The following MAP7D2 variants were observed in gnomAD, a reference collection of about 807,000 sequenced individuals.
MAP7D2 encodes the protein MAP7 domain-containing protein 2.
In MAP7D2, 33 loss-of-function variants were observed where a neutral mutation model predicts 63.5. The ratio of observed to expected loss-of-function variants is 0.52; its 90% CI spans 0.39 to 0.70. The LOEUF (loss-of-function observed/expected upper bound fraction) is 0.70, where lower values mean the gene tolerates loss of function less well. MAP7D2 is among the 30% of genes least tolerant of loss of function. The probability of loss-of-function intolerance (pLI) is 0.00; values close to 1 mark genes in which losing one functional copy is unlikely to be tolerated. For missense variants in MAP7D2, 626 were observed against 604.0 expected, an observed-to-expected ratio of 1.04 and a Z score of -0.38; for synonymous variants, 224 against 223.7, an observed-to-expected ratio of 1.00 and a Z score of -0.01.
At chrX:20,090,911 A>G (rs956599547) in intron 1 of MAP7D2, among the ~76,000 whole-genome samples, 1 of 110,615 alleles carries the variant, frequency 9.0e-6, no homozygotes, top group African/African-American at 3.3e-5. Flanking sequence ...GAAGATTACA[A>G]TGAGCCCAGG....
At chrX:20,041,910 G>C (rs1046063865) in intron 8 of MAP7D2, among the ~76,000 whole-genome samples, 1 of 111,421 alleles carries the variant, frequency 9.0e-6, no homozygotes, top group Non-Finnish European at 1.9e-5. Flanking sequence ...TGGGCATAGT[G>C]GTCCCAGCTA....
intron 10 of MAP7D2, among the ~76,000 whole-genome samples, chrX:20,020,795 A>G (rs2073611551): frequency 8.9e-6 from 1 of 112,111 alleles, no homozygotes; most frequent in Non-Finnish European, 1.9e-5. Flanking sequence ...CTTCGACAAG[A>G]AACTTTAGCC....
chrX:20,060,076 G>C (rs2065170117), intron 3 of MAP7D2, among the ~76,000 whole-genome samples: 2 of 108,919 alleles, frequency 1.8e-5, no homozygotes, highest in African/African-American at 6.7e-5. Context: ...CTGGAGTGCA[G>C]TGGTGCGATC....
intron 15 of MAP7D2, 107 bp downstream of exon 15, chrX:20,012,242 A>C: frequency 1.7e-6 from 1 of 602,485 alleles, no homozygotes; most frequent in Non-Finnish European, 2.5e-6. Flanking sequence ...ATGTCAATCA[A>C]ACCTGCTTTA....
chrX:20,061,326 G>A lies in MAP7D2; in HGVS notation c.372+2088C>T, dbSNP rs1434674314. Among the ~76,000 whole-genome samples, 2 of 110,740 alleles carry A rather than the reference G, an allele frequency of 1.8e-5. 1 individual carries two copies. The highest frequency in any genetic ancestry group is 3.8e-5 in the Non-Finnish European group (2 of 52,856). Reference sequence around the variant, plus strand: ...ATGTCACCCACGAGAATGCCAAAAAGGCCTCTGTGCCAGCAGAGCACCGAC... The same window carrying A: ...ATGTCACCCACGAGAATGCCAAAAAAGCCTCTGTGCCAGCAGAGCACCGAC... On this transcript the variant is annotated intron_variant, in intron 3 of 16. Coordinates refer to ENST00000379643, the MANE Select transcript of MAP7D2 (RefSeq NM_001168465.2).
chrX:20,069,212 T>TA (rs1198227355), intron 1 of MAP7D2, among the ~76,000 whole-genome samples: 1 of 111,602 alleles, frequency 9.0e-6, no homozygotes, highest in Non-Finnish European at 1.9e-5. Context: ...ATCTTTTTTT[T>TA]ATCTTTTTGA....
At chrX:20,044,673 T>TA in intron 6 of MAP7D2, 149 bp from the exon 7 acceptor site, 1 of 510,688 alleles carries the variant, frequency 2.0e-6, no homozygotes, top group East Asian at 3.6e-5. Context: ...GATCTTACCC[T>TA]AAAAAGGCTC....
intron 10 of MAP7D2, among the ~76,000 whole-genome samples, chrX:20,024,274 C>T (rs1603354618): frequency 8.9e-6 from 1 of 112,290 alleles, no homozygotes; most frequent in Non-Finnish European, 1.9e-5. Context: ...ACTAACATCA[C>T]AGTGGTTCTC....
At chrX:20,078,330 A>G (rs2065697224) in intron 1 of MAP7D2, among the ~76,000 whole-genome samples, 1 of 112,830 alleles carries the variant, frequency 8.9e-6, no homozygotes, top group Non-Finnish European at 1.9e-5. Flanking sequence ...TAGATGAGGA[A>G]ATTGAGACTC....
chrX:20,116,652 TC>T (rs1310272029), intron 1 of MAP7D2, 97 bp downstream of exon 1: 4 of 1,028,090 alleles, frequency 3.9e-6, no homozygotes, highest in East Asian at 4.0e-5. Flanking sequence ...CCGTGCCCCT[TC>T]CCCCCACGCT....
intron 1 of MAP7D2, among the ~76,000 whole-genome samples, chrX:20,103,682 A>AT (rs1243782869): frequency 8.9e-6 from 1 of 111,989 alleles, no homozygotes; most frequent in Non-Finnish European, 1.9e-5. Context: ...TATAAATTCA[A>AT]TTTTTTTAAA....
chrX:20,034,662 G>A (rs935827943), intron 8 of MAP7D2, among the ~76,000 whole-genome samples: 15 of 111,490 alleles, frequency 1.3e-4, no homozygotes, highest in Non-Finnish European at 2.3e-4. Flanking sequence ...ACACTGAGAA[G>A]ATGGTTGTTC....
At position 20,042,684 on chromosome X, in the gene MAP7D2, A is replaced by G; in HGVS notation, c.880-55T>C. ...ATGACTGGCACTACTTCCACAATTT[A>G]TAAGACTAATACCCCAGATGGAACA... On this transcript the variant is annotated intron_variant, in intron 7 of 16. Transcript: ENST00000379643. The G allele has an allele frequency of 1.0e-5, 12 of 1,165,817 alleles. No individual in the cohort carries two copies. In the South Asian group the frequency reaches 2.2e-4, roughly 21 times the overall value.
chrX:20,058,336 C>A (rs1257931170), intron 3 of MAP7D2, among the ~76,000 whole-genome samples: 1 of 112,483 alleles, frequency 8.9e-6, no homozygotes, highest in Non-Finnish European at 1.9e-5. Flanking sequence ...AGTATTTAAC[C>A]AATGACCTAA....
chrX:20,042,635 G>C lies in MAP7D2; in HGVS notation c.880-6C>G, dbSNP rs758493322. 7.6e-5 allele frequency: 92 copies of C among 1,209,277 alleles called. No homozygotes were observed. In the South Asian group the frequency reaches 1.5e-3, roughly 20 times the overall value. On this transcript the variant is annotated splice_region_variant and splice_polypyrimidine_tract_variant and intron_variant, in intron 7 of 16. Transcript: ENST00000379643. ...CCCCGCTTCACCTTCTCCACCTGTA[G>C]GGGACACAGGATAGCCACAGTCCAT...
chrX:20,062,984 C>T (rs2065257626), intron 3 of MAP7D2, among the ~76,000 whole-genome samples: 1 of 110,692 alleles, frequency 9.0e-6, no homozygotes, highest in South Asian at 3.8e-4. Context: ...ATCTGTAATC[C>T]TCAGATTCAC....
At chrX:20,065,975 T>C (rs1603384693) in intron 1 of MAP7D2, among the ~76,000 whole-genome samples, 1 of 107,420 alleles carries the variant, frequency 9.3e-6, no homozygotes, top group African/African-American at 3.4e-5. Context: ...GACTGCGGAC[T>C]GCAGTGGTGC....
intron 1 of MAP7D2, among the ~76,000 whole-genome samples, chrX:20,114,177 C>G (rs998642354): frequency 2.7e-5 from 3 of 112,243 alleles, no homozygotes; most frequent in African/African-American, 9.7e-5. Flanking sequence ...CGATTACAAG[C>G]ATGCGCCACC....
rs1177159301 is a variant in MAP7D2 at position 20,012,662 on chromosome X, G to A, written c.1886-127C>T. Reference sequence around the variant, plus strand: ...GATACTGCAGCATCTTTTGTGGAAAGAGCCACAAATAAACCCATATAATCA... The same window carrying A: ...GATACTGCAGCATCTTTTGTGGAAAAAGCCACAAATAAACCCATATAATCA... On this transcript the variant is annotated intron_variant, in intron 14 of 16. Transcript: ENST00000379643. 7.2e-6 allele frequency: 4 copies of A among 554,233 alleles called. No individual in the cohort carries two copies. In the Admixed American group the frequency reaches 1.6e-4, roughly 22 times the overall value. The allele number at this position is 554,233 out of a possible 1,213,427, so 45.7% of individuals were successfully genotyped here. A position where few individuals can be genotyped will look rare whatever the true frequency, so the allele number is the denominator to read the frequency against.
Sources: allele counts gnomAD v4.1 joint callset (sites outside exome capture counted in the v4.1 genomes callset), GRCh38; gene constraint gnomAD v4.1.1; transcripts MANE v1.5; gene names NCBI Gene and HGNC (gene_info 2026-07-23, HGNC 2026-07-21).